TMEM233: variants seen among roughly 807,000 people sequenced by gnomAD.
TMEM233 encodes dispanin subfamily B member 2.
Under a neutral mutation model 11.2 loss-of-function variants are expected in TMEM233, and 6 were observed. The ratio of observed to expected loss-of-function variants is 0.54; its 90% CI spans 0.29 to 1.06. TMEM233 has a LOEUF of 1.06. TMEM233 is among the 50% of genes least tolerant of loss of function. TMEM233 has a pLI of 0.08. For missense variants in TMEM233, 127 were observed against 144.7 expected (o/e 0.88, Z 0.63); for synonymous variants, 59 against 55.8 (o/e 1.06, Z -0.26).
At chr12:119,606,798 A>G (rs1331009429) in intron 1 of TMEM233, among the ~76,000 whole-genome samples, 2 of 152,236 alleles carry the variant, frequency 1.3e-5, no homozygotes, top group Non-Finnish European at 2.9e-5. Flanking sequence ...GCACAGAGTA[A>G]CTGCTTAATA....
chr12:119,640,135 C>T (rs548468202), intron 2 of TMEM233, among the ~76,000 whole-genome samples: 5 of 139,188 alleles, frequency 3.6e-5, no homozygotes, highest in African/African-American at 1.1e-4. Flanking sequence ...TTTCCATATC[C>T]GCATTTTGTT....
chr12:119,618,050 G>A (rs1038470324), intron 1 of TMEM233, among the ~76,000 whole-genome samples: 4 of 152,204 alleles, frequency 2.6e-5, no homozygotes, highest in African/African-American at 9.6e-5. Flanking sequence ...GCAGCCTCTG[G>A]ACATGGTGCC....
In TMEM233 at chr12:119,600,693, G is replaced by A. The variant is rs150403761; in HGVS notation, c.186+6659G>A. ...AAATACAAGAAGCCAGTCACAAAAG[G>A]ACAAATATTATATGATTCCACTTAT... is the stretch of plus-strand genomic sequence containing the variant. On this transcript the variant is annotated intron_variant, in intron 1 of 2. Coordinates refer to ENST00000426426, the MANE Select transcript of TMEM233 (RefSeq NM_001136534.3). Among the ~76,000 whole-genome samples, 59 of 152,266 alleles carry A rather than the reference G, an allele frequency of 3.9e-4. No individual in the cohort carries two copies. In the East Asian group the frequency reaches 0.01, roughly 27 times the overall value.
the TMEM233 span, among the ~76,000 whole-genome samples, chr12:119,648,541 A>C: frequency 6.6e-6 from 1 of 152,186 alleles, no homozygotes. Flanking sequence ...TCCCTTTTGC[A>C]TGCTCACACT....
intron 1 of TMEM233, among the ~76,000 whole-genome samples, chr12:119,604,462 T>G (rs1163701869): frequency 6.6e-6 from 1 of 152,210 alleles, no homozygotes; most frequent in Non-Finnish European, 1.5e-5. Flanking sequence ...GCACACATTT[T>G]GGGAAATACT....
chr12:119,627,793 G>T (rs1954794171), intron 1 of TMEM233, among the ~76,000 whole-genome samples: 1 of 152,156 alleles, frequency 6.6e-6, no homozygotes, highest in South Asian at 2.1e-4. Flanking sequence ...GGCTGAAACA[G>T]GGAAAAGGCA....
chr12:119,616,008 T>C (rs1474588742), intron 1 of TMEM233, among the ~76,000 whole-genome samples: 1 of 152,086 alleles, frequency 6.6e-6, no homozygotes, highest in Admixed American at 6.6e-5. Context: ...CCCCCGTGGG[T>C]ATTTAGGTGT....
chr12:119,593,867 A>G lies in TMEM233; in HGVS notation c.19A>G (p.Ser7Gly), dbSNP rs1302397010. The G allele has an allele frequency of 4.5e-6, 7 of 1,551,632 alleles. 1 individual carries two copies. ...CTCGCCCATGTCTCAGTACGCCCCTAGCCCGGACTTCAAGAGGGCTTTGGA... is the reference window on the plus strand; with the variant it reads ...CTCGCCCATGTCTCAGTACGCCCCTGGCCCGGACTTCAAGAGGGCTTTGGA... MSQYAP[S>G]PDFKRALDSS... Residue 7 changes from serine (S) to glycine (G), a missense_variant, in exon 1 of 3, where the codon AGC becomes GGC. Physicochemically the swap from Ser to Gly is moderately conservative, Grantham distance 56 (BLOSUM62 0). Coordinates refer to ENST00000426426, the MANE Select transcript of TMEM233 (RefSeq NM_001136534.3). The surrounding 1 kb of genome is among the most constrained non-coding windows in gnomAD (Gnocchi z 4.1).
chr12:119,597,507 G>C (rs995894832), intron 1 of TMEM233, among the ~76,000 whole-genome samples: 1 of 150,622 alleles, frequency 6.6e-6, no homozygotes, highest in Non-Finnish European at 1.5e-5. Flanking sequence ...AACAATCAAT[G>C]CTTAAATATT....
chr12:119,651,214 A>G, the TMEM233 span, among the ~76,000 whole-genome samples: 1 of 152,328 alleles, frequency 6.6e-6, no homozygotes, highest in South Asian at 2.1e-4. Flanking sequence ...TGCACATCAC[A>G]AATTTAATAG....
chr12:119,630,398 G>T (rs1055727533), intron 2 of TMEM233, among the ~76,000 whole-genome samples: 15 of 152,210 alleles, frequency 9.9e-5, no homozygotes, highest in South Asian at 6.2e-4. Context: ...ATCTAGGACA[G>T]AAGTCAACAA....
chr12:119,640,881 A>C lies in TMEM233; in HGVS notation c.*176A>C. The C allele has an allele frequency of 3.1e-6, 2 of 647,732 alleles. No individual in the cohort carries two copies. The highest frequency in any genetic ancestry group is 4.9e-6 in the Non-Finnish European group (2 of 405,074). The allele number at this position is 647,732 out of a possible 1,614,324, so 40.1% of individuals were successfully genotyped here. On this transcript the variant is annotated 3_prime_UTR_variant, in exon 3 of 3. Coordinates refer to ENST00000426426, the MANE Select transcript of TMEM233 (RefSeq NM_001136534.3). Reference sequence around the variant, plus strand: ...GAAAAAAAAAAAAAAAAAGTCCAAAATTTAGGCAATCCAAGCTGCACAGCC... The same window carrying C: ...GAAAAAAAAAAAAAAAAAGTCCAAACTTTAGGCAATCCAAGCTGCACAGCC...
At chr12:119,647,841 T>C (rs1362968707), downstream of TMEM233, among the ~76,000 whole-genome samples, 1 of 149,602 alleles carries the variant, frequency 6.7e-6, no homozygotes, top group Non-Finnish European at 1.5e-5. Context: ...GTTCTCATTG[T>C]TCAACTCCCA....
At chr12:119,626,221 C>T (rs1317739975) in intron 1 of TMEM233, among the ~76,000 whole-genome samples, 3 of 152,082 alleles carry the variant, frequency 2.0e-5, no homozygotes, top group Non-Finnish European at 4.4e-5. Flanking sequence ...CCTGTAATCC[C>T]AACACTCTGA....
chr12:119,643,364 G>A (rs937582865), downstream of TMEM233, among the ~76,000 whole-genome samples: 4 of 152,218 alleles, frequency 2.6e-5, no homozygotes, highest in African/African-American at 9.6e-5. Context: ...GCGTCCCCCA[G>A]GTCCTAAGCT....
intron 1 of TMEM233, among the ~76,000 whole-genome samples, chr12:119,596,145 T>G (rs1452057522): frequency 1.3e-5 from 2 of 152,216 alleles, no homozygotes; most frequent in African/African-American, 4.8e-5. Flanking sequence ...TGACTTTTTT[T>G]GCCGAGAGTC....
intron 1 of TMEM233, among the ~76,000 whole-genome samples, chr12:119,624,401 A>G (rs559791008): frequency 3.3e-5 from 5 of 152,186 alleles, no homozygotes; most frequent in Admixed American, 6.5e-5. Flanking sequence ...TGCAAGAGCA[A>G]CTCAGCCATC....
chr12:119,599,140 G>A (rs575408931), intron 1 of TMEM233, among the ~76,000 whole-genome samples: 3 of 152,272 alleles, frequency 2.0e-5, no homozygotes, highest in East Asian at 3.9e-4. Context: ...GAGGACTTTC[G>A]ATTAATCGTG....
intron 1 of TMEM233, among the ~76,000 whole-genome samples, chr12:119,621,508 GA>G (rs11321725): frequency 0.76 from 115,496 of 151,192 alleles, 44,268 homozygotes; most frequent in Middle Eastern, 0.85. Flanking sequence ...AACAAAGAGA[GA>G]AAAAAAAAAC....
Sources: gnomAD v4.1 joint callset for allele counts (sites outside exome capture counted in the v4.1 genomes callset) on GRCh38, gnomAD v4.1.1 for gene constraint, Gnocchi (gnomAD v3.1) non-coding constraint, MANE v1.5 for transcripts, NCBI Gene and HGNC (gene_info 2026-07-23, HGNC 2026-07-21) for gene names.